Variants in IL13RA1 observed in about 807,000 individuals in gnomAD.
IL13RA1 encodes the protein interleukin-13 receptor subunit alpha-1.
IL13RA1 carries 14 observed loss-of-function variants against 33.8 expected under a neutral mutation model. The ratio of observed to expected loss-of-function variants is 0.41; its 90% confidence interval spans 0.27 to 0.65. The LOEUF is 0.65. Ranked by LOEUF, IL13RA1 falls within the 30% of genes least tolerant of loss-of-function variation. IL13RA1 has a pLI of 0.28. For synonymous variants in IL13RA1, 116 were observed against 115.7 expected (o/e 1.00, Z -0.02); for missense variants, 313 against 327.0 (o/e 0.96, Z 0.33).
intron 4 of IL13RA1, among the ~76,000 whole-genome samples, chrX:118,755,074 G>A (rs2017514752): frequency 9.4e-6 from 1 of 106,014 alleles, no homozygotes; most frequent in African/African-American, 3.5e-5. Context: ...TCAACCTCCT[G>A]AGTAGCTGGG....
At chrX:118,782,767 AT>A (rs35301680) in intron 10 of IL13RA1, among the ~76,000 whole-genome samples, 7,077 of 99,029 alleles carry the variant, frequency 0.071, 590 homozygotes, top group African/African-American at 0.23. Context: ...CCAGCTAATA[AT>A]TTTTTTTTTT....
At chrX:118,770,480 A>T (rs768607065) in intron 8 of IL13RA1, 1 of 466,069 alleles carries the variant, frequency 2.1e-6, no homozygotes, top group South Asian at 2.4e-5. Context: ...TGGCTGGTCT[A>T]CGACAAGCTC....
intron 10 of IL13RA1, among the ~76,000 whole-genome samples, chrX:118,784,871 A>G (rs1232427381): frequency 9.0e-6 from 1 of 111,626 alleles, no homozygotes; most frequent in Non-Finnish European, 1.9e-5. Context: ...CAGACAATAT[A>G]ATTTTCCTCC....
intron 10 of IL13RA1, among the ~76,000 whole-genome samples, chrX:118,790,018 A>G (rs1011200015): frequency 8.9e-6 from 1 of 112,146 alleles, no homozygotes; most frequent in Non-Finnish European, 1.9e-5. Context: ...TTACAATAAA[A>G]TTTACTCTTT....
chrX:118,747,038 A>T lies in IL13RA1; in HGVS notation c.313A>T (p.Asn105Tyr), dbSNP rs1276226555. ...GCAAGTGGGGTCCCAGTGTAGCACC[A>T]ATGAGAGTGAGAAGCCTAGCATTTT... ...CLQVGSQCST[N>Y]ESEKPSILVE... Residue 105 changes from asparagine to tyrosine, a missense_variant, in exon 3 of 11, where the codon AAT becomes TAT. Asn to Tyr is a moderately radical substitution (Grantham distance 143, BLOSUM62 -2). Coordinates refer to ENST00000371666, the MANE Select transcript of IL13RA1 (RefSeq NM_001560.3). 1.7e-6 allele frequency: 2 copies of T among 1,164,034 alleles called. No homozygotes were observed. The highest frequency in any genetic ancestry group is 4.4e-5 in the Admixed American group (2 of 45,735).
At chrX:118,805,000 A>G in the IL13RA1 span, among the ~76,000 whole-genome samples, 2 of 112,259 alleles carry the variant, frequency 1.8e-5, no homozygotes, top group South Asian at 7.4e-4. Context: ...ACATCCGGAC[A>G]GTGAGAAGCC....
chrX:118,764,477 G>A (rs1306306415), intron 6 of IL13RA1, among the ~76,000 whole-genome samples: 1 of 109,540 alleles, frequency 9.1e-6, no homozygotes, highest in Non-Finnish European at 1.9e-5. Flanking sequence ...CCCCCTGAGT[G>A]GGGTTTTTTT....
chrX:118,783,518 A>G (rs1190634818), intron 10 of IL13RA1, among the ~76,000 whole-genome samples: 1 of 111,637 alleles, frequency 9.0e-6, no homozygotes, highest in East Asian at 2.8e-4. Context: ...GGAAAAGGCC[A>G]CTGTGTTGAT....
At chrX:118,757,678 CTTTTTTTTTTTT>C (rs765835021) in intron 4 of IL13RA1, among the ~76,000 whole-genome samples, 146 of 58,332 alleles carry the variant, frequency 2.5e-3, no homozygotes, top group African/African-American at 9.9e-3. Flanking sequence ...AGAATTCTGC[CTTTTTTTTTTTT>C]TTTTTTTTTT....
At chrX:118,748,361 GAAAA>G (rs34048610) in intron 3 of IL13RA1, among the ~76,000 whole-genome samples, 1 of 51,022 alleles carries the variant, frequency 2.0e-5, no homozygotes, top group African/African-American at 7.4e-5. Context: ...AGGAGTTAAC[GAAAA>G]AAAAAAAAAA....
At chrX:118,764,157 C>T (rs1287368767) in intron 6 of IL13RA1, among the ~76,000 whole-genome samples, 3 of 108,415 alleles carry the variant, frequency 2.8e-5, no homozygotes, top group Non-Finnish European at 5.7e-5. Flanking sequence ...AAGTAAGGAA[C>T]AACTTGTCTG....
intron 5 of IL13RA1, among the ~76,000 whole-genome samples, chrX:118,760,633 T>C (rs2017580640): frequency 8.9e-6 from 1 of 112,571 alleles, no homozygotes; most frequent in Admixed American, 9.4e-5. Context: ...TTAAATAAAC[T>C]TCTTCTATAA....
At chrX:118,748,630 A>G (rs1400085963) in intron 3 of IL13RA1, among the ~76,000 whole-genome samples, 1 of 110,744 alleles carries the variant, frequency 9.0e-6, no homozygotes, top group African/African-American at 3.3e-5. Context: ...TGGGTGACAG[A>G]GCAAGACTCT....
chrX:118,727,798 C>T, intron 1 of IL13RA1, 72 bp downstream of exon 1: 1 of 481,156 alleles, frequency 2.1e-6, no homozygotes. Flanking sequence ...CTGAAAGGCC[C>T]CGGAGGTCAA....
In IL13RA1 at chrX:118,793,638, CT is replaced by C. The variant is rs1178344577; in HGVS notation, c.*1785del. The C allele has an allele frequency of 8.9e-6, 1 of 112,138 alleles. No individual in the cohort carries two copies. The highest frequency in any genetic ancestry group is 1.9e-5 in the Non-Finnish European group (1 of 53,238). 9.2% of individuals were successfully genotyped at this position (112,138 alleles called of 1,213,427 possible). A position where few individuals can be genotyped will look rare whatever the true frequency, so the allele number is the denominator to read the frequency against. ...TCTCCTCACACACAGACTCATATTA[CT>C]GGTAGGAACTTGAGAACTTTATTTC... On this transcript the variant is annotated 3_prime_UTR_variant, in exon 11 of 11. Coordinates refer to ENST00000371666, the MANE Select transcript of IL13RA1 (RefSeq NM_001560.3).
intron 3 of IL13RA1, among the ~76,000 whole-genome samples, chrX:118,748,002 A>ATAT (rs1413679628): frequency 2.2e-4 from 10 of 45,556 alleles, no homozygotes; most frequent in Non-Finnish European, 4.1e-4. Flanking sequence ...CAAAGAGTGA[A>ATAT]TGTTGTGTGT....
intron 9 of IL13RA1, among the ~76,000 whole-genome samples, chrX:118,775,408 T>C (rs1366165117): frequency 9.0e-6 from 1 of 110,716 alleles, no homozygotes; most frequent in Non-Finnish European, 1.9e-5. Flanking sequence ...TTGAGCAGAG[T>C]AGGCACATGG....
At chrX:118,781,263 A>G (rs1424905605) in intron 10 of IL13RA1, among the ~76,000 whole-genome samples, 1 of 111,326 alleles carries the variant, frequency 9.0e-6, no homozygotes, top group Admixed American at 9.5e-5. Flanking sequence ...GCATTGTGCC[A>G]TTTTTATATT....
intron 10 of IL13RA1, among the ~76,000 whole-genome samples, chrX:118,784,088 A>ATATATATATATAT (rs1486333613): frequency 9.3e-4 from 47 of 50,749 alleles, no homozygotes; most frequent in African/African-American, 3.3e-3. Flanking sequence ...AAAAAAAAAA[A>ATATATATATATAT]AAATATATAT....
Sources: allele counts gnomAD v4.1 joint callset (sites outside exome capture counted in the v4.1 genomes callset), GRCh38; gene constraint gnomAD v4.1.1; transcripts MANE v1.5; gene names NCBI Gene and HGNC (gene_info 2026-07-23, HGNC 2026-07-21).